ATP2C1: variants seen among roughly 807,000 people sequenced by gnomAD.
ATP2C1 encodes the protein ATPase secretory pathway Ca2+ transporting 1.
A neutral mutation model predicts 120.5 loss-of-function variants in ATP2C1; 31 were observed. The observed-to-expected ratio is 0.26, with a 90% CI of 0.19 to 0.35. The LOEUF (loss-of-function observed/expected upper bound fraction) is 0.35, where lower values mean the gene tolerates loss of function less well. Ranked by LOEUF, ATP2C1 falls within the 10% of genes least tolerant of loss-of-function variation. The pLI is 1.00. For synonymous variants in ATP2C1, 351 were observed against 358.7 expected (o/e 0.98, Z 0.24); for missense variants, 731 against 1,107.5 (o/e 0.66, Z 4.83).
chr3:130,992,381 T>C (rs1224326529), intron 20 of ATP2C1, among the ~76,000 whole-genome samples: 1 of 152,210 alleles, frequency 6.6e-6, no homozygotes, highest in African/African-American at 2.4e-5. Flanking sequence ...GAAACGATTT[T>C]AGATCAGGAG....
chr3:130,863,877 A>C (rs904720121), intron 1 of ATP2C1, among the ~76,000 whole-genome samples: 1 of 152,200 alleles, frequency 6.6e-6, no homozygotes, highest in Non-Finnish European at 1.5e-5. Context: ...ATGTAAGTCC[A>C]ATTAAACCTC....
At chr3:130,999,680 A>G in intron 27 of ATP2C1, 21 bp downstream of exon 27, 1 of 1,598,512 alleles carries the variant, frequency 6.3e-7, no homozygotes, top group Non-Finnish European at 8.6e-7. Flanking sequence ...CGTTATCTTT[A>G]TCATTTATGT....
At chr3:130,939,083 C>T (rs751913490) in intron 6 of ATP2C1, among the ~76,000 whole-genome samples, 1 of 152,138 alleles carries the variant, frequency 6.6e-6, no homozygotes, top group Admixed American at 6.5e-5. Flanking sequence ...CTGATTCTTA[C>T]ACACATGTGA....
intron 12 of ATP2C1, among the ~76,000 whole-genome samples, chr3:130,960,091 A>G (rs1262124286): frequency 2.0e-5 from 3 of 152,298 alleles, no homozygotes; most frequent in South Asian, 2.1e-4. Context: ...ACCTTGATAC[A>G]TAATTGTGAA....
intron 2 of ATP2C1, among the ~76,000 whole-genome samples, chr3:130,907,783 T>C (rs1180660617): frequency 6.6e-6 from 1 of 151,744 alleles, no homozygotes; most frequent in African/African-American, 2.4e-5. Flanking sequence ...TGCATTTCCA[T>C]ATGAATTTTA....
intron 26 of ATP2C1, among the ~76,000 whole-genome samples, chr3:131,009,808 T>G (rs2063249638): frequency 6.6e-6 from 1 of 152,218 alleles, no homozygotes; most frequent in Admixed American, 6.5e-5. Context: ...TGGTACAAGA[T>G]GCAGAATCAC....
chr3:131,000,341 T>TTC (rs1454706718), intron 27 of ATP2C1, among the ~76,000 whole-genome samples: 18 of 152,226 alleles, frequency 1.2e-4, no homozygotes, highest in Admixed American at 1.2e-3. Context: ...AAAATTGAAC[T>TTC]AGTTGAATTT....
At chr3:130,939,632 A>G (rs1258418293) in intron 6 of ATP2C1, among the ~76,000 whole-genome samples, 1 of 152,132 alleles carries the variant, frequency 6.6e-6, no homozygotes, top group Non-Finnish European at 1.5e-5. Flanking sequence ...ATATTACAGA[A>G]TTTTTGGGTA....
intron 1 of ATP2C1, among the ~76,000 whole-genome samples, chr3:130,880,393 C>A (rs1693781597): frequency 6.6e-6 from 1 of 152,158 alleles, no homozygotes; most frequent in African/African-American, 2.4e-5. Flanking sequence ...TCCAAATCCT[C>A]ATTTTTCCAA....
intron 17 of ATP2C1, among the ~76,000 whole-genome samples, chr3:130,974,362 C>G (rs1018781197): frequency 1.3e-5 from 2 of 152,154 alleles, no homozygotes; most frequent in Non-Finnish European, 2.9e-5. Flanking sequence ...GATGGAAGCT[C>G]CATTTTAATG....
chr3:130,851,359 A>G (rs182062167), intron 1 of ATP2C1, among the ~76,000 whole-genome samples: 2 of 152,330 alleles, frequency 1.3e-5, no homozygotes, highest in East Asian at 3.9e-4. Context: ...CATTTTATAA[A>G]CTATAATAAC....
At chr3:130,971,816 G>T in intron 17 of ATP2C1, among the ~76,000 whole-genome samples, 1 of 152,144 alleles carries the variant, frequency 6.6e-6, no homozygotes, top group East Asian at 1.9e-4. Context: ...AGAGTAGAGG[G>T]TAGGATTAAG....
Position 130,992,868 on chromosome 3 carries a change from T to C in ATP2C1, c.1840-83T>C, listed in dbSNP as rs2062419646. On this transcript the variant is annotated intron_variant, in intron 20 of 27. Coordinates refer to ENST00000510168, the MANE Select transcript of ATP2C1 (RefSeq NM_001378687.1). Reference sequence around the variant, plus strand: ...TAAATACAGCTTAAATTGATGAGTTTTTCATCATTAGTTATGAATGCATGG... The same window carrying C: ...TAAATACAGCTTAAATTGATGAGTTCTTCATCATTAGTTATGAATGCATGG... The C allele has an allele frequency of 7.1e-6, 8 of 1,130,262 alleles. No homozygotes were observed. In the East Asian group the frequency reaches 1.9e-4, roughly 27 times the overall value. 70.0% of individuals were successfully genotyped at this position (1,130,262 alleles called of 1,614,324 possible).
chr3:130,870,912 CA>C (rs2068408019), intron 1 of ATP2C1, among the ~76,000 whole-genome samples: 1 of 152,082 alleles, frequency 6.6e-6, no homozygotes, highest in Non-Finnish European at 1.5e-5. Context: ...ATTGATGCAC[CA>C]AACTTTATTA....
rs2062947771 is a variant in ATP2C1, at chr3:131,002,677, G to T, written c.*1327G>T. ...CAAAAATTGGTCCCAATTCTAACAG[G>T]TTTAATCCTTCTTGAAGCCAATAAG... On this transcript the variant is annotated 3_prime_UTR_variant, in exon 28 of 28. Coordinates refer to ENST00000510168, the MANE Select transcript of ATP2C1 (RefSeq NM_001378687.1). The T allele has an allele frequency of 1.0e-6, 1 of 985,210 alleles. No homozygotes were observed. Among genetic ancestry groups the T allele is most frequent in the African/African-American group, 1.7e-5 (1 of 57,190 alleles). The allele number at this position is 985,210 out of a possible 1,614,324, so 61.0% of individuals were successfully genotyped here. A position where few individuals can be genotyped will look rare whatever the true frequency, so the allele number is the denominator to read the frequency against.
Position 130,932,080 on chromosome 3 carries a change from G to T in ATP2C1, c.176G>T (p.Gly59Val). The T allele has an allele frequency of 6.2e-7, 1 of 1,613,118 alleles. No homozygotes were observed. The highest frequency in any genetic ancestry group is 8.5e-7 in the Non-Finnish European group (1 of 1,179,248). Reference protein sequence around the residue: ...CEVSHRRAFHGWNEFDISEDE... With the variant: ...CEVSHRRAFHVWNEFDISEDE... The stretch of plus-strand genomic sequence containing the variant: ...GTTAGTCATAGGCGAGCCTTTCATG[G>T]CTGGAATGAGTTTGATATTAGTGAA... Residue 59 changes from glycine (G) to valine (V), a missense_variant, in exon 4 of 28, where the codon GGC (glycine) becomes GTC (valine). Physicochemically the swap from Gly to Val is moderately radical, Grantham distance 109. This residue lies in a region of ATP2C1 where 571 missense variants were observed against 845.9 expected (regional missense o/e 0.67). Coordinates refer to ENST00000510168, the MANE Select transcript of ATP2C1 (RefSeq NM_001378687.1).
chr3:130,855,162 A>G (rs1164360428), intron 1 of ATP2C1, among the ~76,000 whole-genome samples: 2 of 152,200 alleles, frequency 1.3e-5, no homozygotes, highest in African/African-American at 4.8e-5. Flanking sequence ...GAACTATTGC[A>G]ATAGTTTTCC....
At position 130,954,994 on chromosome 3, in the gene ATP2C1, T is replaced by A. The variant is rs368694220; in HGVS notation, c.688-18T>A. The A allele has an allele frequency of 3.8e-6, 6 of 1,593,220 alleles. No homozygotes were observed. The highest frequency in any genetic ancestry group is 5.2e-6 in the Non-Finnish European group (6 of 1,161,506). ...ATTTCATCTGGATGTAAATGTATTT[T>A]CCTGTTTTTCCCCTTAGGGTGTTGT... On this transcript the variant is annotated intron_variant, in intron 9 of 27. Transcript: ENST00000510168.
chr3:130,991,554 A>C (rs2062343491), intron 20 of ATP2C1, among the ~76,000 whole-genome samples: 1 of 152,216 alleles, frequency 6.6e-6, no homozygotes, highest in Non-Finnish European at 1.5e-5. Context: ...ATTTAAAAAA[A>C]ATAAAGAAAA....
Sources: gnomAD v4.1 joint callset for allele counts (sites outside exome capture counted in the v4.1 genomes callset) on GRCh38, gnomAD v4.1.1 for gene constraint, gnomAD v4.1.1 regional missense constraint, MANE v1.5 for transcripts, NCBI Gene and HGNC (gene_info 2026-07-23, HGNC 2026-07-21) for gene names.